The following SSH2 variants were observed in gnomAD, a reference collection of about 807,000 sequenced individuals.
The protein encoded by SSH2 is protein phosphatase Slingshot homolog 2.
In SSH2, 37 loss-of-function variants were observed where a neutral mutation model predicts 135.2. That is an observed-to-expected ratio of 0.27 (90% CI 0.21 to 0.36). The LOEUF (loss-of-function observed/expected upper bound fraction) is 0.36. SSH2 is among the 10% of genes least tolerant of loss of function. The pLI, the probability that SSH2 is intolerant of heterozygous loss-of-function variation, is 1.00. For missense variants in SSH2, 1,408 were observed against 1,765.3 expected (o/e 0.80, Z 3.63); for synonymous variants, 628 against 646.2 (o/e 0.97, Z 0.43).
intron 14 of SSH2, chr17:29,641,809 T>A (rs1468737210): frequency 6.6e-6 from 1 of 151,978 alleles, no homozygotes; most frequent in Non-Finnish European, 1.5e-5. Flanking sequence ...GAAAGTTATA[T>A]AAAGGAAAAG....
At chr17:29,667,403 T>G (rs999020380) in intron 9 of SSH2, among the ~76,000 whole-genome samples, 180 bp from the exon 10 acceptor site, 2 of 152,210 alleles carry the variant, frequency 1.3e-5, no homozygotes, top group Non-Finnish European at 2.9e-5. Context: ...CAGTGGCCTG[T>G]TAGAAGCCGG....
Position 29,631,154 on chromosome 17 carries a change from G to A in SSH2, c.4040C>T (p.Thr1347Ile), listed in dbSNP as rs148485160. 1 of 1,614,194 alleles carries A rather than the reference G, an allele frequency of 6.2e-7. No individual in the cohort carries two copies. Among genetic ancestry groups the A allele is most frequent in the East Asian group, 2.2e-5 (1 of 44,894 alleles). ...NPGAPHNPEP[T>I]KSFVEQLTTT... ...TGTGAGTTGTTCTACAAAAGACTTGGTGGGCTCTGGGTTGTGGGGGGCACC... is the reference window on the plus strand; with the variant it reads ...TGTGAGTTGTTCTACAAAAGACTTGATGGGCTCTGGGTTGTGGGGGGCACC... Residue 1347 changes from threonine to isoleucine, a missense_variant, in exon 16 of 16, where the codon ACC becomes ATC. Thr to Ile is a moderately conservative substitution (Grantham distance 89). Coordinates refer to ENST00000540801, the MANE Select transcript of SSH2 (RefSeq NM_001282129.2).
At chr17:29,790,904 T>G (rs1379297131) in intron 3 of SSH2, among the ~76,000 whole-genome samples, 1 of 151,834 alleles carries the variant, frequency 6.6e-6, no homozygotes, top group Non-Finnish European at 1.5e-5. Flanking sequence ...AATTTTTGTA[T>G]TTTTAGTAGA....
At chr17:29,927,933 A>G (rs2067096501) in intron 1 of SSH2, among the ~76,000 whole-genome samples, 1 of 152,234 alleles carries the variant, frequency 6.6e-6, no homozygotes, top group South Asian at 2.1e-4. Context: ...GACTATTAAC[A>G]TACCTCAAGA....
At chr17:29,820,902 A>C (rs898690821) in intron 2 of SSH2, among the ~76,000 whole-genome samples, 1 of 152,152 alleles carries the variant, frequency 6.6e-6, no homozygotes, top group Non-Finnish European at 1.5e-5. Context: ...TACTTGGACT[A>C]TGCAGAAATT....
At position 29,848,942 on chromosome 17, in the gene SSH2, C is replaced by G; in HGVS notation, c.64-13G>C. On this transcript the variant is annotated splice_polypyrimidine_tract_variant and intron_variant, in intron 1 of 15. Coordinates refer to ENST00000540801, the MANE Select transcript of SSH2 (RefSeq NM_001282129.2). ...CCAAATGAGAGCTCTGTAATACAAA[C>G]AAGATCATTTCAGAGATCCAAACGA... 2 of 1,520,012 alleles carry G rather than the reference C, an allele frequency of 1.3e-6. No homozygotes were observed. The highest frequency in any genetic ancestry group is 1.8e-6 in the Non-Finnish European group (2 of 1,133,590). The allele number at this position is 1,520,012 out of a possible 1,614,324, so 94.2% of individuals were successfully genotyped here.
intron 3 of SSH2, among the ~76,000 whole-genome samples, chr17:29,750,462 TA>T (rs1428002799): frequency 6.6e-6 from 1 of 151,438 alleles, no homozygotes; most frequent in East Asian, 1.9e-4. Flanking sequence ...AATTTTTTTT[TA>T]AATAAATAAA....
intron 12 of SSH2, among the ~76,000 whole-genome samples, chr17:29,654,232 T>C (rs1201072255): frequency 6.6e-6 from 1 of 152,234 alleles, no homozygotes; most frequent in Non-Finnish European, 1.5e-5. Context: ...GCTAGGTAGA[T>C]AGTAAGCTAT....
intron 3 of SSH2, among the ~76,000 whole-genome samples, chr17:29,733,993 A>C (rs2040285932): frequency 6.9e-6 from 1 of 144,634 alleles, no homozygotes; most frequent in African/African-American, 2.6e-5. Context: ...TCATTGCCTC[A>C]CTGCTACCTC....
chr17:29,696,968 G>A (rs954529436), intron 4 of SSH2, among the ~76,000 whole-genome samples: 1 of 152,082 alleles, frequency 6.6e-6, no homozygotes, highest in African/African-American at 2.4e-5. Flanking sequence ...ACAGGCGTGA[G>A]CCACAGTGCC....
chr17:29,691,495 CTTT>C (rs11366088), intron 5 of SSH2, among the ~76,000 whole-genome samples: 5 of 143,318 alleles, frequency 3.5e-5, no homozygotes, highest in Non-Finnish European at 3.1e-5. Context: ...TATTTTCTCT[CTTT>C]TTTTTTTTTT....
intron 3 of SSH2, among the ~76,000 whole-genome samples, chr17:29,746,556 A>G (rs866048718): frequency 0.012 from 1,801 of 144,290 alleles, 18 homozygotes; most frequent in African/African-American, 0.042. Context: ...TCAAAAAAAA[A>G]AAAAAAAAAA....
intron 2 of SSH2, among the ~76,000 whole-genome samples, chr17:29,842,004 G>A (rs2043050013): frequency 6.6e-6 from 1 of 150,494 alleles, no homozygotes; most frequent in African/African-American, 2.4e-5. Flanking sequence ...AAAGTGCTGG[G>A]ATTACAGGTG....
At chr17:29,643,638 C>T (rs1483641803) in intron 14 of SSH2, among the ~76,000 whole-genome samples, 1 of 152,038 alleles carries the variant, frequency 6.6e-6, no homozygotes, top group Non-Finnish European at 1.5e-5. Flanking sequence ...GATTTGTAGG[C>T]GCCTACCACC....
Position 29,636,121 on chromosome 17 carries a change from C to T in SSH2, c.2109G>A (p.Met703Ile). 6.2e-7 allele frequency: 1 copy of T among 1,614,198 alleles called. No homozygotes were observed. The highest frequency in any genetic ancestry group is 8.5e-7 in the Non-Finnish European group (1 of 1,180,038). The change falls in exon 15 of 16, where the codon ATG (methionine) becomes ATA (isoleucine). Residue 703 changes from methionine (M) to isoleucine (I), a missense_variant. Physicochemically the swap from Met to Ile is conservative, Grantham distance 10. Transcript: ENST00000540801. ...CATTCCTTCCTCCACCCAGTTCCTC[C>T]ATCCTTGAATGGGAAAAAGATCGTG... ...TRSRSFSHSR[M>I]EELGGGRNES... is the part of the protein sequence containing the mutation.
chr17:29,743,882 G>A (rs1010813667), intron 3 of SSH2, among the ~76,000 whole-genome samples: 2 of 148,756 alleles, frequency 1.3e-5, no homozygotes, highest in Non-Finnish European at 3.0e-5. Flanking sequence ...GCATTATTAG[G>A]GCATAATTTC....
chr17:29,922,581 A>G (rs527795548), intron 1 of SSH2, among the ~76,000 whole-genome samples: 82 of 152,322 alleles, frequency 5.4e-4, no homozygotes, highest in African/African-American at 1.8e-3. Flanking sequence ...AAAATACGTG[A>G]CCTAACAATA....
chr17:29,692,198 A>G (rs945553313), intron 5 of SSH2, among the ~76,000 whole-genome samples: 9 of 151,950 alleles, frequency 5.9e-5, no homozygotes, highest in African/African-American at 2.2e-4. Context: ...TCAGTTGACT[A>G]TCAAACTTTT....
intron 1 of SSH2, among the ~76,000 whole-genome samples, chr17:29,877,431 G>C (rs968134690): frequency 4.6e-5 from 7 of 152,180 alleles, no homozygotes; most frequent in Non-Finnish European, 8.8e-5. Context: ...TCCTATGTTA[G>C]TTGTGGCACT....
Sources: allele counts gnomAD v4.1 joint callset (sites outside exome capture counted in the v4.1 genomes callset), GRCh38; gene constraint gnomAD v4.1.1; transcripts MANE v1.5; gene names NCBI Gene and HGNC (gene_info 2026-07-23, HGNC 2026-07-21).